Variants in CEP250 observed in about 807,000 individuals in gnomAD.
The protein encoded by CEP250 is centrosomal protein 250.
A neutral mutation model predicts 315.7 loss-of-function variants in CEP250; 242 were observed. The ratio of observed to expected loss-of-function variants is 0.77; its 90% CI spans 0.69 to 0.85. The LOEUF (loss-of-function observed/expected upper bound fraction) is 0.85, where lower values mean the gene tolerates loss of function less well. Ranked by LOEUF, CEP250 falls within the 40% of genes least tolerant of loss-of-function variation. The pLI is 0.00. For synonymous variants in CEP250, 1,088 were observed against 1,175.0 expected (o/e 0.93, Z 1.51); for missense variants, 2,515 against 2,886.4 (o/e 0.87, Z 2.95).
intron 4 of CEP250, among the ~76,000 whole-genome samples, chr20:35,462,912 C>A (rs2062788811): frequency 6.6e-6 from 1 of 152,102 alleles, no homozygotes; most frequent in African/African-American, 2.4e-5. Context: ...CAGGTGTACA[C>A]CACCACTTTT....
rs774656191 is a variant in CEP250, at chr20:35,473,535, G to A, written c.1371G>A (p.Glu457=). 5 of 1,613,004 alleles carry A rather than the reference G, an allele frequency of 3.1e-6. No homozygotes were observed. In the Admixed American group the frequency reaches 8.3e-5, roughly 27 times the overall value. ...GGCAGACTGTGGACCTCCAGGGAGAGGTGGACTCTCTCAGCAAGTGAGCAG... is the reference window on the plus strand; with the variant it reads ...GGCAGACTGTGGACCTCCAGGGAGAAGTGGACTCTCTCAGCAAGTGAGCAG... ...LAGQTVDLQG[E]VDSLSKEREL... is the part of the protein sequence containing the mutation. Residue 457 remains glutamate (E), a synonymous_variant, in exon 13 of 35, where the codon GAG becomes GAA. Transcript: ENST00000397527.
chr20:35,497,337 AATAT>A (rs1203717483), intron 25 of CEP250, among the ~76,000 whole-genome samples: 5 of 152,184 alleles, frequency 3.3e-5, no homozygotes, highest in Admixed American at 6.6e-5. Context: ...CCATTATAGG[AATAT>A]ATAAAGTGTC....
At position 35,503,903 on chromosome 20, in the gene CEP250, G is replaced by A; in HGVS notation, c.5534G>A (p.Gly1845Glu). Residue 1845 changes from glycine (G) to glutamate (E), a missense_variant, in exon 30 of 35, where the codon GGA (glycine) becomes GAA (glutamate). Gly to Glu is a moderately conservative substitution (Grantham distance 98). Transcript: ENST00000397527. The surrounding 1 kb of genome is among the most constrained non-coding windows in gnomAD (Gnocchi z 4.2). ...AAGGAAAAGGCAGACGCCCTCCAGG[G>A]AGCTCTGGAGCAAGCCCATATGACA... ...RVKEKADALQ[G>E]ALEQAHMTLK... The A allele has an allele frequency of 1.2e-6, 2 of 1,613,896 alleles. No individual in the cohort carries two copies. The highest frequency in any genetic ancestry group is 1.6e-4 in the Middle Eastern group (1 of 6,062).
chr20:35,507,568 G>GTTT (rs2064221994), intron 30 of CEP250, among the ~76,000 whole-genome samples, 170 bp from the exon 31 acceptor site: 1 of 151,928 alleles, frequency 6.6e-6, no homozygotes. Context: ...CTGCTCCTTT[G>GTTT]TTTTACCTAT....
In CEP250 at chr20:35,500,153, C is replaced by G. The variant is rs2063962287; in HGVS notation, c.3882C>G (p.Leu1294=). The G allele has an allele frequency of 1.2e-6, 2 of 1,613,840 alleles. No homozygotes were observed. Among genetic ancestry groups the G allele is most frequent in the African/African-American group, 1.3e-5 (1 of 74,908 alleles). ...HTELQDLQRQ[L]SQNQEEKSKW... ...AGTTGCAGGATCTGCAGAGACAGCTCTCCCAGAATCAGGAAGGTGAGAAGC... is the reference window on the plus strand; with the variant it reads ...AGTTGCAGGATCTGCAGAGACAGCTGTCCCAGAATCAGGAAGGTGAGAAGC... The change falls in exon 28 of 35, where the codon CTC becomes CTG. Residue 1294 remains leucine, a synonymous_variant. Coordinates refer to ENST00000397527, the MANE Select transcript of CEP250 (RefSeq NM_007186.6).
At chr20:35,507,943 C>G in intron 31 of CEP250, 92 bp downstream of exon 31, 1 of 1,599,608 alleles carries the variant, frequency 6.3e-7, no homozygotes, top group Non-Finnish European at 8.5e-7. Flanking sequence ...GTTCCTGAAG[C>G]TTAAACCTGC....
Position 35,502,383 on chromosome 20 carries a change from C to G in CEP250, c.4021-7C>G. 1 of 1,609,194 alleles carries G rather than the reference C, an allele frequency of 6.2e-7. No individual in the cohort carries two copies. The highest frequency in any genetic ancestry group is 8.5e-7 in the Non-Finnish European group (1 of 1,177,548). On this transcript the variant is annotated splice_region_variant and splice_polypyrimidine_tract_variant and intron_variant, in intron 29 of 34. Coordinates refer to ENST00000397527, the MANE Select transcript of CEP250 (RefSeq NM_007186.6). Reference sequence around the variant, plus strand: ...AGTCTAAAGTGGCTTTTCATCTTGTCTTCTAGGGTGAGCGAGAGTTACTTC... The same window carrying G: ...AGTCTAAAGTGGCTTTTCATCTTGTGTTCTAGGGTGAGCGAGAGTTACTTC...
chr20:35,498,996 C>A (rs1037588443), intron 27 of CEP250, among the ~76,000 whole-genome samples: 1 of 152,016 alleles, frequency 6.6e-6, no homozygotes, highest in Non-Finnish European at 1.5e-5. Context: ...CTGGGTAGGC[C>A]AGGCACGGTG....
Position 35,473,537 on chromosome 20 carries a change from T to G in CEP250, c.1373T>G (p.Val458Gly), listed in dbSNP as rs756459967. 1.2e-6 allele frequency: 2 copies of G among 1,612,462 alleles called. No homozygotes were observed. The highest frequency in any genetic ancestry group is 1.7e-6 in the Non-Finnish European group (2 of 1,179,268). ...AGQTVDLQGE[V>G]DSLSKERELL... ...CAGACTGTGGACCTCCAGGGAGAGG[T>G]GGACTCTCTCAGCAAGTGAGCAGAC... The change falls in exon 13 of 35, where the codon GTG (valine) becomes GGG (glycine). Residue 458 changes from valine to glycine, a missense_variant. Coordinates refer to ENST00000397527, the MANE Select transcript of CEP250 (RefSeq NM_007186.6).
At chr20:35,469,749 GGGC>G in intron 9 of CEP250, 138 bp from the exon 10 acceptor site, 3 of 525,890 alleles carry the variant, frequency 5.7e-6, no homozygotes, top group East Asian at 3.1e-5. Context: ...GAGTGCAGAC[GGGC>G]TGGGGGTGCC....
intron 15 of CEP250, among the ~76,000 whole-genome samples, chr20:35,475,967 T>A (rs1206698497): frequency 2.0e-5 from 3 of 152,224 alleles, no homozygotes; most frequent in Non-Finnish European, 4.4e-5. Flanking sequence ...TAACACCTCA[T>A]ATCCTTTGCT....
At chr20:35,482,517 G>A (rs1447367466) in intron 20 of CEP250, among the ~76,000 whole-genome samples, 1 of 151,734 alleles carries the variant, frequency 6.6e-6, no homozygotes, top group African/African-American at 2.4e-5. Context: ...GGGATTACAG[G>A]CGTGAGCCAC....
At chr20:35,462,992 C>T (rs1236741734) in intron 4 of CEP250, among the ~76,000 whole-genome samples, 1 of 152,186 alleles carries the variant, frequency 6.6e-6, no homozygotes, top group African/African-American at 2.4e-5. Context: ...TTCAGCTAGT[C>T]TAGAGCCAAA....
intron 5 of CEP250, among the ~76,000 whole-genome samples, chr20:35,464,307 G>T (rs376497519): frequency 1.1e-4 from 17 of 152,222 alleles, no homozygotes; most frequent in South Asian, 1.0e-3. Context: ...TGTTTGTTTG[G>T]TTGGTTGGTT....
Position 35,477,953 on chromosome 20 carries a change from A to G in CEP250, c.1946A>G (p.Glu649Gly), listed in dbSNP as rs1328924790. 5 of 1,612,442 alleles carry G rather than the reference A, an allele frequency of 3.1e-6. No individual in the cohort carries two copies. Among genetic ancestry groups the G allele is most frequent in the African/African-American group, 2.7e-5 (2 of 74,916 alleles). Residue 649 changes from glutamate (E) to glycine (G), a missense_variant, in exon 17 of 35, where the codon GAG becomes GGG. By Grantham distance (98) the Glu-to-Gly change is moderately conservative. Coordinates refer to ENST00000397527, the MANE Select transcript of CEP250 (RefSeq NM_007186.6). ...AATGCTTTGCAGGTCGACCTGGCGGAGGCAGAGAAGAGGAGGGAAGCCCTG... is the reference window on the plus strand; with the variant it reads ...AATGCTTTGCAGGTCGACCTGGCGGGGGCAGAGAAGAGGAGGGAAGCCCTG... ...ARNALQVDLA[E>G]AEKRREALWE...
At chr20:35,498,508 T>C in intron 26 of CEP250, 87 bp from the exon 27 acceptor site, 1 of 1,519,706 alleles carries the variant, frequency 6.6e-7, no homozygotes, top group African/African-American at 1.4e-5. Flanking sequence ...GAGGGACCAG[T>C]TGGAAGGACA....
intron 15 of CEP250, 92 bp from the exon 16 acceptor site, chr20:35,476,357 G>A (rs1370038204): frequency 8.2e-7 from 1 of 1,226,688 alleles, no homozygotes; most frequent in African/African-American, 1.5e-5. Context: ...ACTGATCTCT[G>A]TACCAAAAAG....
At chr20:35,456,046 C>T (rs1431312415) in intron 1 of CEP250, among the ~76,000 whole-genome samples, 1 of 152,232 alleles carries the variant, frequency 6.6e-6, no homozygotes, top group African/African-American at 2.4e-5. Flanking sequence ...CAGGCATGCG[C>T]CACCACACCC....
chr20:35,489,866 A>C (rs137907432), intron 20 of CEP250, among the ~76,000 whole-genome samples: 1 of 152,276 alleles, frequency 6.6e-6, no homozygotes, highest in Non-Finnish European at 1.5e-5. Flanking sequence ...TGTCAACCAC[A>C]ATGTGGCTGC....
Sources: gnomAD v4.1 joint callset for allele counts (sites outside exome capture counted in the v4.1 genomes callset) on GRCh38, gnomAD v4.1.1 for gene constraint, Gnocchi (gnomAD v3.1) non-coding constraint, MANE v1.5 for transcripts, NCBI Gene and HGNC (gene_info 2026-07-23, HGNC 2026-07-21) for gene names.